Variants in STARD13 observed in about 807,000 individuals in gnomAD.
STARD13 encodes the protein stAR-related lipid transfer protein 13.
STARD13 carries 62 observed loss-of-function variants against 106.4 expected under a neutral mutation model. The observed-to-expected ratio is 0.58, with a 90% confidence interval of 0.48 to 0.72. STARD13 has a LOEUF of 0.72. STARD13 is among the 30% of genes least tolerant of loss of function. The probability of loss-of-function intolerance (pLI) is 0.00; values close to 1 mark genes in which losing one functional copy is unlikely to be tolerated. For missense variants in STARD13, 1,387 were observed against 1,424.0 expected (o/e 0.97, Z 0.42); for synonymous variants, 565 against 553.0 (o/e 1.02, Z -0.31).
chr13:33,664,638 A>T, the STARD13 span, among the ~76,000 whole-genome samples: 1 of 152,142 alleles, frequency 6.6e-6, no homozygotes, highest in South Asian at 2.1e-4. Flanking sequence ...TGACTCTTTT[A>T]TTTATTGAGA....
chr13:33,508,872 A>G, the STARD13 span, among the ~76,000 whole-genome samples: 2 of 152,198 alleles, frequency 1.3e-5, no homozygotes, highest in South Asian at 4.1e-4. Context: ...TCACACACCT[A>G]AGCTATATGA....
chr13:33,484,521 C>G, the STARD13 span, among the ~76,000 whole-genome samples: 1 of 152,148 alleles, frequency 6.6e-6, no homozygotes, highest in South Asian at 2.1e-4. Flanking sequence ...GAAGCAAACT[C>G]AGTGCAGGAA....
At chr13:33,106,720 C>T in intron 13 of STARD13, 38 bp downstream of exon 13, 1 of 1,556,980 alleles carries the variant, frequency 6.4e-7, no homozygotes, top group Non-Finnish European at 8.7e-7. Context: ...CTGAGACTCC[C>T]AAGATCTGAG....
At chr13:33,163,501 A>T (rs1156950987) in intron 3 of STARD13, among the ~76,000 whole-genome samples, 1 of 150,380 alleles carries the variant, frequency 6.6e-6, no homozygotes, top group African/African-American at 2.4e-5. Flanking sequence ...GTGGCAGGAG[A>T]ATCATTTGAA....
At chr13:33,654,115 TC>T in the STARD13 span, among the ~76,000 whole-genome samples, 2 of 152,164 alleles carry the variant, frequency 1.3e-5, no homozygotes, top group African/African-American at 4.8e-5. Context: ...TGGGGAAAGT[TC>T]CTCAAAAAGT....
the STARD13 span, among the ~76,000 whole-genome samples, chr13:33,460,265 A>G: frequency 1.3e-5 from 2 of 152,012 alleles, no homozygotes; most frequent in Admixed American, 1.3e-4. Flanking sequence ...AGGCAGGCAG[A>G]TCACGAGGTC....
chr13:33,304,116 G>A (rs1278680962), intron 1 of STARD13, among the ~76,000 whole-genome samples: 1 of 152,238 alleles, frequency 6.6e-6, no homozygotes, highest in Non-Finnish European at 1.5e-5. Context: ...CCCACGTTGT[G>A]AAATCCACTC....
At chr13:33,557,636 G>T in the STARD13 span, among the ~76,000 whole-genome samples, 7 of 152,134 alleles carry the variant, frequency 4.6e-5, no homozygotes, top group Admixed American at 6.6e-5. Flanking sequence ...AAGGTGCTCT[G>T]TAAATGATTT....
At chr13:33,397,018 C>G in the STARD13 span, among the ~76,000 whole-genome samples, 1 of 151,992 alleles carries the variant, frequency 6.6e-6, no homozygotes, top group African/African-American at 2.4e-5. Flanking sequence ...ATTTTCAGAC[C>G]AGAAAATTGG....
At chr13:33,369,375 C>A in the STARD13 span, among the ~76,000 whole-genome samples, 3 of 152,214 alleles carry the variant, frequency 2.0e-5, no homozygotes, top group Non-Finnish European at 4.4e-5. Context: ...TCTTGCTGAG[C>A]TTTTCTCCCT....
chr13:33,590,434 GA>G, the STARD13 span, among the ~76,000 whole-genome samples: 1 of 151,896 alleles, frequency 6.6e-6, no homozygotes, highest in Non-Finnish European at 1.5e-5. Flanking sequence ...CAATAGCAAA[GA>G]CTTGGAACCA....
At chr13:33,405,926 T>C in the STARD13 span, among the ~76,000 whole-genome samples, 1 of 152,260 alleles carries the variant, frequency 6.6e-6, no homozygotes, top group Admixed American at 6.5e-5. Context: ...AGCACTGCTA[T>C]GTGCCAATAA....
the STARD13 span, among the ~76,000 whole-genome samples, chr13:33,419,722 C>T: frequency 5.9e-5 from 9 of 152,186 alleles, no homozygotes; most frequent in Admixed American, 1.3e-4. Context: ...GTCGGGTTAC[C>T]CCCAAAGGGA....
At chr13:33,421,861 T>C in the STARD13 span, among the ~76,000 whole-genome samples, 1 of 152,168 alleles carries the variant, frequency 6.6e-6, no homozygotes, top group African/African-American at 2.4e-5. Context: ...ATTATCTCAA[T>C]AGATGCAGAA....
At chr13:33,551,568 CCTTTTTTTTT>C in the STARD13 span, among the ~76,000 whole-genome samples, 6 of 44,794 alleles carry the variant, frequency 1.3e-4, no homozygotes, top group Admixed American at 5.2e-4. Flanking sequence ...TTTGCTTTTC[CCTTTTTTTTT>C]TTTTTTTTTT....
chr13:33,167,404 T>C, intron 2 of STARD13, 147 bp downstream of exon 2: 1 of 696,660 alleles, frequency 1.4e-6, no homozygotes, highest in Non-Finnish European at 2.4e-6. Flanking sequence ...GGATAACCCC[T>C]GGGCATAGCA....
At position 33,109,746 on chromosome 13, in the gene STARD13, CAA is replaced by C. The variant is rs956233577; in HGVS notation, c.3047+125_3047+126del. On this transcript the variant is annotated intron_variant, in intron 12 of 13. Coordinates refer to ENST00000336934, the MANE Select transcript of STARD13 (RefSeq NM_178006.4). ...AAAACTCAGATGTCACTGAGGGAAACAAGAGCCGGCTTAGTGTTCCCCGTGGA... is the reference window on the plus strand; with the variant it reads ...AAAACTCAGATGTCACTGAGGGAAACGAGCCGGCTTAGTGTTCCCCGTGGA... 1.1e-5 allele frequency: 9 copies of C among 826,420 alleles called. No homozygotes were observed. The African/African-American group carries it at 1.4e-4, about 13-fold the overall frequency. 51.2% of individuals were successfully genotyped at this position (826,420 alleles called of 1,614,324 possible).
chr13:33,649,926 G>T, the STARD13 span, among the ~76,000 whole-genome samples: 1 of 152,002 alleles, frequency 6.6e-6, no homozygotes, highest in Non-Finnish European at 1.5e-5. Flanking sequence ...TTTGTCTAAG[G>T]TTTTATTCTT....
chr13:33,377,093 C>T, the STARD13 span, among the ~76,000 whole-genome samples: 4 of 152,158 alleles, frequency 2.6e-5, no homozygotes, highest in Non-Finnish European at 5.9e-5. Context: ...GTATTTTATG[C>T]AATTTTTTTC....
Sources: gnomAD v4.1 joint callset for allele counts (sites outside exome capture counted in the v4.1 genomes callset) on GRCh38, gnomAD v4.1.1 for gene constraint, MANE v1.5 for transcripts, NCBI Gene and HGNC (gene_info 2026-07-23, HGNC 2026-07-21) for gene names.